TMEM232: variants seen among roughly 807,000 people sequenced by gnomAD.
TMEM232 encodes the protein transmembrane protein 232.
TMEM232 carries 80 observed loss-of-function variants against 78.8 expected under a neutral mutation model. That is an observed-to-expected ratio of 1.01 (90% confidence interval 0.85 to 1.22). TMEM232 has a LOEUF of 1.22. Among genes scored for constraint, TMEM232 ranks in the 50% most tolerant of loss-of-function variants. TMEM232 has a pLI of 0.00. For missense variants in TMEM232, 881 were observed against 742.2 expected, an observed-to-expected ratio of 1.19 and a Z score of -2.17; for synonymous variants, 297 against 254.3, an observed-to-expected ratio of 1.17 and a Z score of -1.60.
intron 1 of TMEM232, among the ~76,000 whole-genome samples, chr5:110,700,464 A>G (rs1399782401): frequency 1.3e-5 from 2 of 152,146 alleles, no homozygotes; most frequent in East Asian, 1.9e-4. Context: ...CAAGATCACT[A>G]AAATCACGAA....
intron 12 of TMEM232, among the ~76,000 whole-genome samples, chr5:110,476,277 C>T (rs1763242510): frequency 6.6e-6 from 1 of 151,840 alleles, no homozygotes; most frequent in Non-Finnish European, 1.5e-5. Context: ...GGGGTCTCAT[C>T]CAACTTGACT....
intron 2 of TMEM232, among the ~76,000 whole-genome samples, chr5:110,399,620 C>T (rs1465382267): frequency 6.6e-6 from 1 of 152,112 alleles, no homozygotes; most frequent in Non-Finnish European, 1.5e-5. Context: ...TCACCCCTTA[C>T]CCTTGTCCTG....
rs531309692 is a variant in TMEM232 at position 110,559,761 on chromosome 5, CAT to C, written c.1455+8684_1455+8685del. Among the ~76,000 whole-genome samples the C allele has an allele frequency of 1.8e-4, 28 of 152,250 alleles. No homozygotes were observed. The South Asian group carries it at 5.8e-3, about 32-fold the overall frequency. On this transcript the variant is annotated intron_variant, in intron 11 of 13. Transcript: ENST00000455884. ...TGTGACTTAAAGAACAGAAGTTTAT[CAT>C]GTCACAGTTCTGAGGTTAGGAGTCT...
intron 12 of TMEM232, among the ~76,000 whole-genome samples, chr5:110,497,135 C>T (rs1005449175): frequency 6.6e-6 from 1 of 151,884 alleles, no homozygotes; most frequent in African/African-American, 2.4e-5. Flanking sequence ...CTTTCACGTT[C>T]CCTGACACTT....
intron 12 of TMEM232, among the ~76,000 whole-genome samples, chr5:110,456,688 G>A (rs1487389405): frequency 6.6e-6 from 1 of 152,044 alleles, no homozygotes; most frequent in East Asian, 1.9e-4. Context: ...TAGATCAATG[G>A]AACAGAAAAA....
At chr5:110,632,601 TTAAA>T in intron 5 of TMEM232, among the ~76,000 whole-genome samples, 1 of 152,114 alleles carries the variant, frequency 6.6e-6, no homozygotes, top group Non-Finnish European at 1.5e-5. Context: ...ACTTCTTTAA[TTAAA>T]TAAAAAGTAC....
intron 12 of TMEM232, among the ~76,000 whole-genome samples, chr5:110,476,079 A>C (rs1184369536): frequency 1.3e-5 from 2 of 151,888 alleles, no homozygotes; most frequent in East Asian, 3.9e-4. Flanking sequence ...TTCAACACTG[A>C]ATTCTTTAGT....
At chr5:110,443,773 C>T (rs1345694358) in intron 12 of TMEM232, among the ~76,000 whole-genome samples, 3 of 152,280 alleles carry the variant, frequency 2.0e-5, no homozygotes, top group East Asian at 3.9e-4. Context: ...GTTATTCAGG[C>T]CCCAATGGCT....
intron 7 of TMEM232, among the ~76,000 whole-genome samples, chr5:110,624,629 C>T (rs1354539503): frequency 6.6e-6 from 1 of 152,060 alleles, no homozygotes; most frequent in Non-Finnish European, 1.5e-5. Flanking sequence ...GCTCAATTTA[C>T]TCAGTAAATG....
At chr5:110,560,363 A>T (rs1775598727) in intron 11 of TMEM232, among the ~76,000 whole-genome samples, 1 of 152,172 alleles carries the variant, frequency 6.6e-6, no homozygotes, top group Non-Finnish European at 1.5e-5. Flanking sequence ...GCATCAGAAG[A>T]TATTACAAAA....
In TMEM232 at chr5:110,587,679, ATATATATATATATGTGTGTGTG is replaced by A. The variant is rs1428626444; in HGVS notation, c.1276+17408_1276+17429del. Among the ~76,000 whole-genome samples, 57 of 98,730 alleles carry A rather than the reference ATATATATATATATGTGTGTGTG, an allele frequency of 5.8e-4. 1 individual carries two copies. Among genetic ancestry groups the A allele is most frequent in the African/African-American group, 2.3e-3 (47 of 20,080 alleles). 64.8% of individuals were successfully genotyped at this position (98,730 alleles called of 152,430 possible). A position where few individuals can be genotyped will look rare whatever the true frequency, so the allele number is the denominator to read the frequency against. On this transcript the variant is annotated intron_variant, in intron 10 of 13. Transcript: ENST00000455884. ...TACATGTATGTATATATATATATAT[ATATATATATATATGTGTGTGTG>A]TGTGTGTGTGTGTGTGTGTGTGTGT...
At chr5:110,637,104 T>A (rs1461952364) in intron 5 of TMEM232, among the ~76,000 whole-genome samples, 1 of 150,402 alleles carries the variant, frequency 6.6e-6, no homozygotes, top group African/African-American at 2.4e-5. Flanking sequence ...TAAATATGTA[T>A]ATTTACATTT....
intron 1 of TMEM232, among the ~76,000 whole-genome samples, chr5:110,706,747 T>C (rs1795969264): frequency 6.6e-6 from 1 of 152,084 alleles, no homozygotes; most frequent in Admixed American, 6.6e-5. Flanking sequence ...CCTAAAGAAA[T>C]AATCCCAATG....
intron 8 of TMEM232, among the ~76,000 whole-genome samples, chr5:110,613,477 T>C (rs150492509): frequency 7.2e-4 from 110 of 152,266 alleles, no homozygotes; most frequent in African/African-American, 2.6e-3. Context: ...CAACATTATG[T>C]TACTTTCCTG....
intron 1 of TMEM232, among the ~76,000 whole-genome samples, chr5:110,737,202 T>C (rs1459835812): frequency 2.0e-5 from 3 of 152,178 alleles, no homozygotes; most frequent in African/African-American, 4.8e-5. Context: ...AAATAGTATC[T>C]GACACGAGAT....
At chr5:110,480,730 A>C (rs77140358) in intron 12 of TMEM232, among the ~76,000 whole-genome samples, 2,958 of 152,194 alleles carry the variant, frequency 0.019, 92 homozygotes, top group African/African-American at 0.068. Flanking sequence ...TGAGATGTGA[A>C]TAGTGAGGGC....
At chr5:110,423,026 C>G (rs1000384580) in intron 13 of TMEM232, among the ~76,000 whole-genome samples, 2 of 152,146 alleles carry the variant, frequency 1.3e-5, no homozygotes, top group Non-Finnish European at 2.9e-5. Context: ...TTAATATCTC[C>G]TAAGCAATGA....
chr5:110,450,248 CT>C (rs1258806136), intron 12 of TMEM232, among the ~76,000 whole-genome samples: 2 of 152,120 alleles, frequency 1.3e-5, no homozygotes, highest in Non-Finnish European at 2.9e-5. Flanking sequence ...TCAGGTAGTT[CT>C]TTATAACAGT....
intron 11 of TMEM232, among the ~76,000 whole-genome samples, chr5:110,534,953 A>G (rs1160210704): frequency 1.3e-5 from 2 of 152,100 alleles, no homozygotes; most frequent in Non-Finnish European, 2.9e-5. Context: ...ATCTTCCTTC[A>G]GCTTAATCTC....
Sources: allele counts gnomAD v4.1 joint callset (sites outside exome capture counted in the v4.1 genomes callset), GRCh38; gene constraint gnomAD v4.1.1; transcripts MANE v1.5; gene names NCBI Gene and HGNC (gene_info 2026-07-23, HGNC 2026-07-21).